SYNPO2: variants seen among roughly 807,000 people sequenced by gnomAD.
SYNPO2 encodes the protein synaptopodin-2.
Under a neutral mutation model 85.0 loss-of-function variants are expected in SYNPO2, and 56 were observed. The ratio of observed to expected loss-of-function variants is 0.66; its 90% CI spans 0.53 to 0.82. SYNPO2 has a LOEUF of 0.82. SYNPO2 is among the 40% of genes least tolerant of loss of function. The pLI, the probability that SYNPO2 is intolerant of heterozygous loss-of-function variation, is 0.00. For missense variants in SYNPO2, 1,575 were observed against 1,534.2 expected (o/e 1.03, Z -0.44); for synonymous variants, 602 against 591.1 (o/e 1.02, Z -0.27).
chr4:118,858,084 C>G (rs576121094), intron 1 of SYNPO2, among the ~76,000 whole-genome samples: 1 of 152,160 alleles, frequency 6.6e-6, no homozygotes, highest in Non-Finnish European at 1.5e-5. Context: ...CCCTGCTGTA[C>G]AGGCCTTAGG....
chr4:119,005,402 G>A (rs1280547162), intron 1 of SYNPO2, among the ~76,000 whole-genome samples: 2 of 151,724 alleles, frequency 1.3e-5, no homozygotes, highest in Non-Finnish European at 2.9e-5. Context: ...ATTAATTTTT[G>A]TTTAAGGTGT....
At chr4:118,935,294 A>T (rs941637657) in intron 1 of SYNPO2, among the ~76,000 whole-genome samples, 21 of 152,204 alleles carry the variant, frequency 1.4e-4, no homozygotes, top group Non-Finnish European at 1.8e-4. Context: ...CTCAGAAATG[A>T]TTACCTTCAA....
At chr4:118,885,444 C>T (rs548808542), upstream of SYNPO2, among the ~76,000 whole-genome samples, 2 of 150,172 alleles carry the variant, frequency 1.3e-5, no homozygotes, top group Non-Finnish European at 3.0e-5. Flanking sequence ...GATTTCCAAA[C>T]TATTTAGAAG....
intron 1 of SYNPO2, among the ~76,000 whole-genome samples, chr4:118,913,863 C>T (rs902242618): frequency 6.6e-6 from 1 of 152,110 alleles, no homozygotes; most frequent in Non-Finnish European, 1.5e-5. Flanking sequence ...ATTATTTCTC[C>T]CAAATTCTTA....
chr4:119,040,916 C>T (rs1054358211), intron 4 of SYNPO2, among the ~76,000 whole-genome samples: 12 of 152,184 alleles, frequency 7.9e-5, no homozygotes, highest in African/African-American at 2.9e-4. Context: ...AGTAATTGAT[C>T]CCCTTGCCTG....
rs537754411 is a variant in SYNPO2 at position 119,027,198 on chromosome 4, G to A, written c.829G>A (p.Gly277Arg). Residue 277 changes from glycine to arginine, a missense_variant, in exon 3 of 5, where the codon GGA becomes AGA. Physicochemically the swap from Gly to Arg is moderately radical, Grantham distance 125 (BLOSUM62 -2). This residue lies in a region of SYNPO2 where 1,508 missense variants were observed against 1,446.8 expected (regional missense o/e 1.04). Transcript: ENST00000307142. ...GAGAGTGATCCAGGAAAGTGAAGCA[G>A]GAGATGCGGGACTGCCCCGGGTGGA... ...ELRVIQESEAGDAGLPRVEVI... is the reference protein window; with the variant it reads ...ELRVIQESEARDAGLPRVEVI... 4 of 1,614,180 alleles carry A rather than the reference G, an allele frequency of 2.5e-6. No homozygotes were observed. The highest frequency in any genetic ancestry group is 4.5e-5 in the East Asian group (2 of 44,866).
chr4:118,970,577 T>C (rs891011093), intron 1 of SYNPO2, among the ~76,000 whole-genome samples: 4 of 152,234 alleles, frequency 2.6e-5, no homozygotes, highest in Admixed American at 2.0e-4. Context: ...TATTTACAAA[T>C]TTGTCTGTAT....
rs138990278 is a variant in SYNPO2 at position 119,034,058 on chromosome 4, T to G, written c.3252+2031T>G. 3.1e-5 allele frequency: 31 copies of G among 985,420 alleles called. No homozygotes were observed. In the East Asian group the frequency reaches 2.7e-3, roughly 87 times the overall value. 61.0% of individuals were successfully genotyped at this position (985,420 alleles called of 1,614,324 possible). ...TGCCTTTTTGGGAAACCAATTAAGA[T>G]TAATACAGGATAAAGGAAAAAAGCA... On this transcript the variant is annotated intron_variant, in intron 4 of 4. Transcript: ENST00000307142.
intron 1 of SYNPO2, among the ~76,000 whole-genome samples, chr4:118,852,189 C>T (rs1019526862): frequency 2.0e-5 from 3 of 152,096 alleles, no homozygotes; most frequent in African/African-American, 7.2e-5. Context: ...TCACACTAGT[C>T]AGAATGGCTG....
At chr4:118,946,837 G>A (rs1366896045) in intron 1 of SYNPO2, among the ~76,000 whole-genome samples, 1 of 152,180 alleles carries the variant, frequency 6.6e-6, no homozygotes, top group Non-Finnish European at 1.5e-5. Flanking sequence ...TGCTATGCGT[G>A]TTTTAAGAGT....
chr4:119,023,629 G>A lies in SYNPO2; in HGVS notation c.257+48G>A, dbSNP rs763226352. On this transcript the variant is annotated intron_variant, in intron 2 of 4. Coordinates refer to ENST00000307142, the MANE Select transcript of SYNPO2 (RefSeq NM_133477.3). ...TGTATTTTCTCTTGAAGCTACATGG[G>A]AATGATTATAGCTTTTACTACATAT... The A allele has an allele frequency of 3.2e-6, 5 of 1,579,148 alleles. No homozygotes were observed. In the South Asian group the frequency reaches 5.9e-5, roughly 19 times the overall value.
rs960888034 is a variant in SYNPO2 at position 119,061,126 on chromosome 4, A to C, written c.*3192A>C. ...GGTCCACACTTTTCTATTTTAAAAA[A>C]TTGTGTTCTCTTGTTAAATAGATTA... is the stretch of plus-strand genomic sequence containing the variant. On this transcript the variant is annotated 3_prime_UTR_variant, in exon 5 of 5. Transcript: ENST00000307142. The C allele has an allele frequency of 4.6e-5, 7 of 152,210 alleles. No individual in the cohort carries two copies. The highest frequency in any genetic ancestry group is 1.7e-4 in the African/African-American group (7 of 41,462). The allele number at this position is 152,210 out of a possible 1,614,324, so 9.4% of individuals were successfully genotyped here. A position where few individuals can be genotyped will look rare whatever the true frequency, so the allele number is the denominator to read the frequency against.
intron 1 of SYNPO2, among the ~76,000 whole-genome samples, chr4:118,894,122 A>G (rs1043528551): frequency 6.6e-6 from 1 of 151,672 alleles, no homozygotes; most frequent in African/African-American, 2.4e-5. Context: ...CTGATGTTCT[A>G]TAATTGTCAT....
chr4:118,910,564 A>G (rs371013024), intron 1 of SYNPO2, among the ~76,000 whole-genome samples: 27 of 152,298 alleles, frequency 1.8e-4, no homozygotes, highest in African/African-American at 6.3e-4. Flanking sequence ...GATAAGATAG[A>G]CAGGGAAAAT....
intron 1 of SYNPO2, among the ~76,000 whole-genome samples, chr4:119,017,588 A>G (rs1370289559): frequency 6.6e-6 from 1 of 152,166 alleles, no homozygotes; most frequent in Admixed American, 6.5e-5. Context: ...GCCTGAGATC[A>G]CAATCATCTC....
At chr4:119,042,364 G>C (rs1738743561) in intron 4 of SYNPO2, 1 of 152,150 alleles carries the variant, frequency 6.6e-6, no homozygotes, top group East Asian at 1.9e-4. Flanking sequence ...ATCTAGAAAA[G>C]AGATTGAATT....
chr4:119,060,244 A>G lies in SYNPO2; in HGVS notation c.*2310A>G, dbSNP rs1288794578. On this transcript the variant is annotated 3_prime_UTR_variant, in exon 5 of 5. Coordinates refer to ENST00000307142, the MANE Select transcript of SYNPO2 (RefSeq NM_133477.3). ...ACTTCTCTCTCATTGCATGCACTAG[A>G]TCAATATTATCATCTGTATTAAGCT... 2 of 152,186 alleles carry G rather than the reference A, an allele frequency of 1.3e-5. No individual in the cohort carries two copies. The highest frequency in any genetic ancestry group is 3.8e-4 in the East Asian group (2 of 5,204). 9.4% of individuals were successfully genotyped at this position (152,186 alleles called of 1,614,324 possible). A position where few individuals can be genotyped will look rare whatever the true frequency, so the allele number is the denominator to read the frequency against.
intron 1 of SYNPO2, among the ~76,000 whole-genome samples, chr4:118,983,417 C>T (rs571179156): frequency 6.6e-6 from 1 of 152,132 alleles, no homozygotes; most frequent in Non-Finnish European, 1.5e-5. Context: ...ATTATTTTCT[C>T]CGGAAACTAC....
chr4:118,914,804 C>T (rs1186195498), intron 1 of SYNPO2, among the ~76,000 whole-genome samples: 1 of 151,768 alleles, frequency 6.6e-6, no homozygotes, highest in African/African-American at 2.4e-5. Flanking sequence ...AAAGATGGCC[C>T]AGGAAAGTGT....
Sources: gnomAD v4.1 joint callset for allele counts (sites outside exome capture counted in the v4.1 genomes callset) on GRCh38, gnomAD v4.1.1 for gene constraint, gnomAD v4.1.1 regional missense constraint, MANE v1.5 for transcripts, NCBI Gene and HGNC (gene_info 2026-07-23, HGNC 2026-07-21) for gene names.